Variants in TMEM132B observed in about 807,000 individuals in gnomAD.
The protein encoded by TMEM132B is transmembrane protein 132B.
A neutral mutation model predicts 90.8 loss-of-function variants in TMEM132B; 18 were observed. That is an observed-to-expected ratio of 0.20 (90% CI 0.14 to 0.29). TMEM132B has a LOEUF of 0.29. Ranked by LOEUF, TMEM132B falls within the 10% of genes least tolerant of loss-of-function variation. TMEM132B has a pLI of 1.00. For missense variants in TMEM132B, 1,096 were observed against 1,326.8 expected, an observed-to-expected ratio of 0.83 and a Z score of 2.70; for synonymous variants, 504 against 523.3, an observed-to-expected ratio of 0.96 and a Z score of 0.50.
At chr12:125,565,275 C>G (rs1366433370) in intron 4 of TMEM132B, among the ~76,000 whole-genome samples, 1 of 152,194 alleles carries the variant, frequency 6.6e-6, no homozygotes, top group Non-Finnish European at 1.5e-5. Flanking sequence ...CGTGGCTTGT[C>G]TGTTGAGCTG....
intron 5 of TMEM132B, among the ~76,000 whole-genome samples, chr12:125,635,217 C>T (rs1316677960): frequency 6.6e-6 from 1 of 152,208 alleles, no homozygotes; most frequent in Admixed American, 6.5e-5. Context: ...CATAGGTATA[C>T]ATGTGCCATG....
At chr12:125,601,198 A>C (rs141434041) in intron 5 of TMEM132B, among the ~76,000 whole-genome samples, 304 of 152,312 alleles carry the variant, frequency 2.0e-3, no homozygotes, top group African/African-American at 7.2e-3. Context: ...TTATTATAAA[A>C]TCAGCCACAT....
intron 5 of TMEM132B, among the ~76,000 whole-genome samples, chr12:125,634,198 TG>T (rs1046726933): frequency 6.6e-6 from 1 of 152,182 alleles, no homozygotes; most frequent in African/African-American, 2.4e-5. Context: ...AGCCTCACCC[TG>T]GGGCCACCAC....
At chr12:125,616,341 A>G (rs1566090455) in intron 5 of TMEM132B, among the ~76,000 whole-genome samples, 2 of 152,102 alleles carry the variant, frequency 1.3e-5, no homozygotes, top group Non-Finnish European at 2.9e-5. Context: ...GTTACAGAAA[A>G]AATGGAGGCT....
At chr12:125,579,260 G>T (rs574667607) in intron 4 of TMEM132B, among the ~76,000 whole-genome samples, 1 of 151,214 alleles carries the variant, frequency 6.6e-6, no homozygotes, top group Non-Finnish European at 1.5e-5. Flanking sequence ...TTTCCATTTC[G>T]GCTATTGCAC....
At chr12:125,536,256 G>A (rs1883793902) in intron 4 of TMEM132B, among the ~76,000 whole-genome samples, 1 of 152,210 alleles carries the variant, frequency 6.6e-6, no homozygotes, top group African/African-American at 2.4e-5. Context: ...AACAGAGGCT[G>A]CTGTCCTTAA....
chr12:125,612,673 A>G (rs1885865372), intron 5 of TMEM132B, among the ~76,000 whole-genome samples: 1 of 143,486 alleles, frequency 7.0e-6, no homozygotes, highest in Admixed American at 7.1e-5. Context: ...TTGTCTAGTA[A>G]CATTAAAAAA....
chr12:125,187,280 G>C (rs182771951), intron 1 of TMEM132B, among the ~76,000 whole-genome samples: 1,765 of 152,298 alleles, frequency 0.012, 27 homozygotes, highest in Non-Finnish European at 0.015. Flanking sequence ...TGCTGCCCGC[G>C]GTCGCACAGT....
At position 125,521,941 on chromosome 12, in the gene TMEM132B, C is replaced by T. The variant is rs144684084; in HGVS notation, c.1293+2316C>T. The stretch of plus-strand genomic sequence containing the variant: ...GGCCAGGAACTGGATTTGAGGGTGA[C>T]GGGCTCCAGCCAGTGCCATTATCTT... On this transcript the variant is annotated intron_variant, in intron 4 of 8. Transcript: ENST00000682704. Among the ~76,000 whole-genome samples the T allele has an allele frequency of 4.7e-3, 723 of 152,284 alleles. 2 individuals carry two copies. The highest frequency in any genetic ancestry group is 9.8e-3 in the South Asian group (47 of 4,820).
intron 4 of TMEM132B, among the ~76,000 whole-genome samples, chr12:125,552,830 A>G (rs968740434): frequency 6.6e-6 from 1 of 152,214 alleles, no homozygotes; most frequent in Non-Finnish European, 1.5e-5. Context: ...CCACTCTGCA[A>G]TGCATGGGGA....
At chr12:125,516,427 A>G (rs1295739006) in intron 3 of TMEM132B, among the ~76,000 whole-genome samples, 2 of 152,376 alleles carry the variant, frequency 1.3e-5, no homozygotes, top group Non-Finnish European at 1.5e-5. Context: ...GCCTAAAAGT[A>G]TAAGACCTCT....
intron 4 of TMEM132B, among the ~76,000 whole-genome samples, chr12:125,548,438 T>G (rs1884141788): frequency 6.6e-6 from 1 of 152,254 alleles, no homozygotes; most frequent in Admixed American, 6.5e-5. Flanking sequence ...GTTGATTTCC[T>G]GACCCATTAA....
At chr12:125,286,408 A>G (rs7965521) in intron 1 of TMEM132B, among the ~76,000 whole-genome samples, 20,832 of 152,220 alleles carry the variant, frequency 0.14, 1,598 homozygotes, top group African/African-American at 0.2. Flanking sequence ...CAGTTTCTAC[A>G]TATAGAGAAT....
At chr12:125,318,719 A>G (rs1876348855) in intron 1 of TMEM132B, among the ~76,000 whole-genome samples, 1 of 152,100 alleles carries the variant, frequency 6.6e-6, no homozygotes, top group Admixed American at 6.5e-5. Context: ...GCTGCATAAT[A>G]TTCCATGGTG....
intron 4 of TMEM132B, among the ~76,000 whole-genome samples, chr12:125,541,118 A>T (rs1020457164): frequency 6.6e-6 from 1 of 152,176 alleles, no homozygotes; most frequent in African/African-American, 2.4e-5. Flanking sequence ...GCCTTCCCTG[A>T]TCACCCTGGA....
At chr12:125,187,479 G>T (rs1957766890) in intron 1 of TMEM132B, among the ~76,000 whole-genome samples, 1 of 152,202 alleles carries the variant, frequency 6.6e-6, no homozygotes, top group Non-Finnish European at 1.5e-5. Context: ...TGCAAACGCG[G>T]TCTACTCCAG....
Position 125,655,830 on chromosome 12 carries a change from T to G in TMEM132B, c.*1120T>G, listed in dbSNP as rs2137061457. 1 of 152,156 alleles carries G rather than the reference T, an allele frequency of 6.6e-6. No homozygotes were observed. The highest frequency in any genetic ancestry group is 3.4e-3 in the Middle Eastern group (1 of 294). The allele number at this position is 152,156 out of a possible 1,614,324, so 9.4% of individuals were successfully genotyped here. A position where few individuals can be genotyped will look rare whatever the true frequency, so the allele number is the denominator to read the frequency against. ...AAATAAGTAGAATGACAGTTCAAGTTAGCAATATATAGAAATCCATCCATA... is the reference window on the plus strand; with the variant it reads ...AAATAAGTAGAATGACAGTTCAAGTGAGCAATATATAGAAATCCATCCATA... On this transcript the variant is annotated 3_prime_UTR_variant, in exon 9 of 9. Coordinates refer to ENST00000682704, the MANE Select transcript of TMEM132B (RefSeq NM_001366854.1).
At chr12:125,536,890 T>C (rs986664396) in intron 4 of TMEM132B, among the ~76,000 whole-genome samples, 2 of 151,990 alleles carry the variant, frequency 1.3e-5, no homozygotes, top group Non-Finnish European at 2.9e-5. Flanking sequence ...TAAATAAATA[T>C]GCATGCCATA....
intron 1 of TMEM132B, among the ~76,000 whole-genome samples, chr12:125,335,448 CA>C (rs1458922840): frequency 1.1e-4 from 16 of 152,170 alleles, no homozygotes; most frequent in Non-Finnish European, 2.9e-5. Flanking sequence ...CCAATAAGAA[CA>C]GGCATCCCCC....
Sources: allele counts gnomAD v4.1 joint callset (sites outside exome capture counted in the v4.1 genomes callset), GRCh38; gene constraint gnomAD v4.1.1; transcripts MANE v1.5; gene names NCBI Gene and HGNC (gene_info 2026-07-23, HGNC 2026-07-21).